NCAM2: variants seen among roughly 807,000 people sequenced by gnomAD.
NCAM2 encodes the protein neural cell adhesion molecule 2.
Under a neutral mutation model 98.1 loss-of-function variants are expected in NCAM2, and 30 were observed. That is an observed-to-expected ratio of 0.31 (90% confidence interval 0.23 to 0.41). The LOEUF (loss-of-function observed/expected upper bound fraction) is 0.41. NCAM2 is among the 10% of genes least tolerant of loss of function. The probability of loss-of-function intolerance (pLI) is 1.00; values close to 1 mark genes in which losing one functional copy is unlikely to be tolerated. For missense variants in NCAM2, 867 were observed against 1,005.8 expected (o/e 0.86, Z 1.87); for synonymous variants, 368 against 342.4 (o/e 1.07, Z -0.83).
chr21:21,147,078 C>T (rs2067299565), intron 1 of NCAM2: 2 of 957,750 alleles, frequency 2.1e-6, no homozygotes, highest in Admixed American at 6.9e-5. Context: ...GGAACTGATA[C>T]CCTTTGCCTT....
intron 12 of NCAM2, among the ~76,000 whole-genome samples, chr21:21,456,728 T>C (rs1455409817): frequency 6.6e-6 from 1 of 152,148 alleles, no homozygotes; most frequent in Non-Finnish European, 1.5e-5. Flanking sequence ...TGTGATGGTA[T>C]TGGAGGTGGG....
chr21:21,415,676 C>T (rs557651114), intron 10 of NCAM2, among the ~76,000 whole-genome samples: 1 of 152,158 alleles, frequency 6.6e-6, no homozygotes, highest in African/African-American at 2.4e-5. Context: ...GCTTCTACAT[C>T]AGCACTTGCT....
intron 1 of NCAM2, among the ~76,000 whole-genome samples, chr21:21,230,257 A>G (rs118110744): frequency 0.022 from 3,340 of 151,362 alleles, 51 homozygotes; most frequent in Non-Finnish European, 0.033. Context: ...TCATTTTTCT[A>G]TATTCATCTC....
In NCAM2 at chr21:21,477,369, A is replaced by G. The variant is rs777311007; in HGVS notation, c.1975A>G (p.Thr659Ala). 1.2e-6 allele frequency: 2 copies of G among 1,612,728 alleles called. No homozygotes were observed. The highest frequency in any genetic ancestry group is 1.1e-5 in the South Asian group (1 of 90,964). Residue 659 changes from threonine (T) to alanine (A), a missense_variant, in exon 15 of 18, where the codon ACC becomes GCC. Transcript: ENST00000400546. ...DHIILEHLQW[T>A]MGYEVQITAA... ...CATCATTTTGGAGCATCTCCAGTGG[A>G]CCATGGGGTATGAAGTTCAGATTAC...
intron 9 of NCAM2, among the ~76,000 whole-genome samples, chr21:21,403,287 G>T (rs1223449512): frequency 6.6e-6 from 1 of 152,032 alleles, no homozygotes; most frequent in East Asian, 1.9e-4. Flanking sequence ...ATCTTTCTCT[G>T]GGTTGCAGTT....
At chr21:21,385,853 T>C (rs548737548) in intron 9 of NCAM2, 10 of 162,150 alleles carry the variant, frequency 6.2e-5, no homozygotes, top group African/African-American at 2.4e-4. Context: ...ATTTTATGTA[T>C]AAATTTAATT....
At chr21:21,105,685 T>G (rs1376371971) in intron 1 of NCAM2, among the ~76,000 whole-genome samples, 1 of 152,138 alleles carries the variant, frequency 6.6e-6, no homozygotes, top group Admixed American at 6.6e-5. Context: ...AATAAAACTC[T>G]TCATTGGCAA....
intron 1 of NCAM2, among the ~76,000 whole-genome samples, chr21:21,169,445 T>A (rs749792708): frequency 6.6e-6 from 1 of 152,194 alleles, no homozygotes; most frequent in Non-Finnish European, 1.5e-5. Context: ...TAATCTGGAC[T>A]TCATTACAAT....
At chr21:21,249,574 T>A (rs550181582) in intron 1 of NCAM2, among the ~76,000 whole-genome samples, 2 of 152,338 alleles carry the variant, frequency 1.3e-5, no homozygotes, top group East Asian at 3.9e-4. Context: ...ATTTTCTTTG[T>A]TTCCTGACAA....
intron 9 of NCAM2, among the ~76,000 whole-genome samples, chr21:21,374,532 G>C (rs187428715): frequency 2.0e-5 from 3 of 151,916 alleles, no homozygotes; most frequent in Admixed American, 2.0e-4. Flanking sequence ...GACAAGGATA[G>C]TTTTTAAAAT....
At chr21:21,158,774 G>A (rs1269369581) in intron 1 of NCAM2, among the ~76,000 whole-genome samples, 1 of 152,000 alleles carries the variant, frequency 6.6e-6, no homozygotes, top group African/African-American at 2.4e-5. Context: ...TAGCACATAT[G>A]TTTATATATA....
chr21:21,186,132 A>C (rs2068633500), intron 1 of NCAM2, among the ~76,000 whole-genome samples: 1 of 152,168 alleles, frequency 6.6e-6, no homozygotes, highest in African/African-American at 2.4e-5. Context: ...TGACATAGAC[A>C]AAACAAATTA....
At chr21:21,234,277 C>CT (rs908283531) in intron 1 of NCAM2, among the ~76,000 whole-genome samples, 6 of 151,232 alleles carry the variant, frequency 4.0e-5, no homozygotes, top group African/African-American at 1.5e-4. Flanking sequence ...CACTCATGAA[C>CT]TTTAAGTCTA....
At chr21:21,335,168 T>C (rs1294291849) in intron 6 of NCAM2, among the ~76,000 whole-genome samples, 1 of 152,086 alleles carries the variant, frequency 6.6e-6, no homozygotes, top group East Asian at 1.9e-4. Context: ...AACATTTAAT[T>C]GTGTATGGGA....
intron 1 of NCAM2, among the ~76,000 whole-genome samples, chr21:21,080,174 G>A (rs144590005): frequency 1.3e-5 from 2 of 152,102 alleles, no homozygotes; most frequent in Admixed American, 6.6e-5. Context: ...GGTTTTATGG[G>A]TGTATGTATT....
chr21:21,175,343 G>A (rs564875485), intron 1 of NCAM2, among the ~76,000 whole-genome samples: 1 of 152,156 alleles, frequency 6.6e-6, no homozygotes, highest in South Asian at 2.1e-4. Flanking sequence ...GACCATCCTG[G>A]CCAACATGGT....
chr21:21,404,822 A>G (rs1405858207), intron 9 of NCAM2, among the ~76,000 whole-genome samples: 1 of 151,736 alleles, frequency 6.6e-6, no homozygotes, highest in Non-Finnish European at 1.5e-5. Flanking sequence ...TCATATATAC[A>G]TATATACATA....
At chr21:21,236,543 T>C (rs2070832327) in intron 1 of NCAM2, among the ~76,000 whole-genome samples, 1 of 152,102 alleles carries the variant, frequency 6.6e-6, no homozygotes, top group African/African-American at 2.4e-5. Context: ...AATTATAACA[T>C]AAAAGAGTAG....
intron 1 of NCAM2, among the ~76,000 whole-genome samples, chr21:21,068,659 CA>C (rs1739169069): frequency 6.6e-6 from 1 of 151,982 alleles, no homozygotes; most frequent in Non-Finnish European, 1.5e-5. Flanking sequence ...GGGGTTTCAC[CA>C]TGTTGGTCAG....
Sources: gnomAD v4.1 joint callset for allele counts (sites outside exome capture counted in the v4.1 genomes callset) on GRCh38, gnomAD v4.1.1 for gene constraint, MANE v1.5 for transcripts, NCBI Gene and HGNC (gene_info 2026-07-23, HGNC 2026-07-21) for gene names.